The following CDKN1C variants were observed in gnomAD, a reference collection of about 807,000 sequenced individuals.
CDKN1C encodes the protein cyclin-dependent kinase inhibitor 1C.
A neutral mutation model predicts 16.5 loss-of-function variants in CDKN1C; 7 were observed. The observed-to-expected ratio is 0.42, with a 90% CI of 0.24 to 0.80. CDKN1C has a LOEUF of 0.80. Among genes scored for constraint, CDKN1C ranks in the 30% least tolerant of loss-of-function variants. The probability of loss-of-function intolerance (pLI) is 0.26; values close to 1 mark genes in which losing one functional copy is unlikely to be tolerated. For missense variants in CDKN1C, 429 were observed against 437.3 expected (o/e 0.98, Z 0.17); for synonymous variants, 288 against 214.4 (o/e 1.34, Z -3.00).
chr11:2,884,927 G>GCGACT lies in CDKN1C; in HGVS notation c.529_530insAGTCG (p.Pro177GlnfsTer86). The GCGACT allele has an allele frequency of 1.1e-6, 1 of 924,620 alleles. No homozygotes were observed. The highest frequency in any genetic ancestry group is 1.3e-6 in the Non-Finnish European group (1 of 752,232). The allele number at this position is 924,620 out of a possible 1,614,324, so 57.3% of individuals were successfully genotyped here. ...CGCGACTGGAGCCGGGGCCGGAGCC[G>GCGACT]GAGCCGGAGCCGGGGCCGGGGCCGG... On this transcript the variant is annotated frameshift_variant, in exon 2 of 4. Coordinates refer to ENST00000440480, the MANE Select transcript of CDKN1C (RefSeq NM_001122630.2). LOFTEE classifies it high-confidence loss of function.
intron 2 of CDKN1C, chr11:2,884,404 G>A (rs558762873): frequency 3.2e-4 from 77 of 241,304 alleles, no homozygotes; most frequent in Non-Finnish European, 4.6e-4. Context: ...GCCCGGGGAG[G>A]GGCTCCCGCG....
At chr11:2,884,417 C>T (rs1848900536) in intron 2 of CDKN1C, 1 of 254,798 alleles carries the variant, frequency 3.9e-6, no homozygotes, top group Admixed American at 5.5e-5. Context: ...CTCCCGCGGC[C>T]GGGGGCGAAA....
Position 2,884,577 on chromosome 11 carries a change from G to T in CDKN1C, c.787+93C>A, listed in dbSNP as rs552952278. On this transcript the variant is annotated intron_variant, in intron 2 of 3. Coordinates refer to ENST00000440480, the MANE Select transcript of CDKN1C (RefSeq NM_001122630.2). Reference sequence around the variant, plus strand: ...GCCCTTTAATGCCACGGGAGGAGGCGGGAACCCAGCGAGGCCCCCGAGGGC... The same window carrying T: ...GCCCTTTAATGCCACGGGAGGAGGCTGGAACCCAGCGAGGCCCCCGAGGGC... 2.7e-5 allele frequency: 20 copies of T among 729,594 alleles called. No homozygotes were observed. In the African/African-American group the frequency reaches 3.0e-4, roughly 11 times the overall value. 45.2% of individuals were successfully genotyped at this position (729,594 alleles called of 1,614,324 possible).
At chr11:2,884,323 C>T (rs1405517559) in intron 2 of CDKN1C, 189 bp from the exon 3 acceptor site, 1 of 248,788 alleles carries the variant, frequency 4.0e-6, no homozygotes, top group African/African-American at 2.3e-5. Flanking sequence ...TCCCCTTGTC[C>T]CGCGGCCAAG....
chr11:2,884,818 G>C lies in CDKN1C; in HGVS notation c.639C>G (p.Ala213=). 1.4e-6 allele frequency: 2 copies of C among 1,387,550 alleles called. No homozygotes were observed. Among genetic ancestry groups the C allele is most frequent in the Non-Finnish European group, 1.9e-6 (2 of 1,063,944 alleles). The allele number at this position is 1,387,550 out of a possible 1,614,324, so 86.0% of individuals were successfully genotyped here. ...GCTGCCCCTGGTTCGCGCCCTGCTC[G>C]GCGCTCTCTTGAGGCGCCGCGTCCG... ...PAPDAAPQES[A]EQGANQGQRG... Residue 213 remains alanine, a synonymous_variant, in exon 2 of 4, where the codon GCC becomes GCG. Transcript: ENST00000440480.
At chr11:2,884,621 G>T (rs541422709) in intron 2 of CDKN1C, 49 bp downstream of exon 2, 4 of 1,148,242 alleles carry the variant, frequency 3.5e-6, no homozygotes, top group Non-Finnish European at 4.4e-6. Flanking sequence ...CCGGCCGGCC[G>T]GACAAAGCGG....
rs1395949690 is a variant in CDKN1C, at chr11:2,885,123, C to A, written c.334G>T (p.Ala112Ser). ...TCCTCGAGGCCGTCGAGGGACTCAGCGGCCGGCTCGAGGGGCGGGCTGACA... is the reference window on the plus strand; with the variant it reads ...TCCTCGAGGCCGTCGAGGGACTCAGAGGCCGGCTCGAGGGGCGGGCTGACA... Reference protein sequence around the residue: ...VAVSPPLEPAAESLDGLEEAP... With the variant: ...VAVSPPLEPASESLDGLEEAP... The change falls in exon 2 of 4, where the codon GCT (alanine) becomes TCT (serine). Residue 112 changes from alanine (A) to serine (S), a missense_variant. Physicochemically the swap from Ala to Ser is moderately conservative, Grantham distance 99. Transcript: ENST00000440480. 5.4e-6 allele frequency: 8 copies of A among 1,469,062 alleles called. No individual in the cohort carries two copies. Among genetic ancestry groups the A allele is most frequent in the Non-Finnish European group, 7.1e-6 (8 of 1,121,410 alleles). 91.0% of individuals were successfully genotyped at this position (1,469,062 alleles called of 1,614,324 possible).
rs1451014097 is a variant in CDKN1C at position 2,885,157 on chromosome 11, G to T, written c.300C>A (p.Val100=). The T allele has an allele frequency of 9.8e-6, 15 of 1,523,798 alleles. No homozygotes were observed. Among genetic ancestry groups the T allele is most frequent in the Non-Finnish European group, 1.3e-5 (15 of 1,141,590 alleles). 94.4% of individuals were successfully genotyped at this position (1,523,798 alleles called of 1,614,324 possible). The change falls in exon 2 of 4, where the codon GTC becomes GTA. Residue 100 remains valine (V), a synonymous_variant. Transcript: ENST00000440480. ...RLLLAPRPVA[V]AVAVSPPLEP... Reference sequence around the variant, plus strand: ...CGAGGGGCGGGCTGACAGCCACCGCGACCGCGACGGGCCGCGGCGCCAGCA... The same window carrying T: ...CGAGGGGCGGGCTGACAGCCACCGCTACCGCGACGGGCCGCGGCGCCAGCA...
rs770109299 is a variant in CDKN1C, at chr11:2,885,489, TG to T, written c.-10-24del. ...GTGCTGCGGAGGGACGCGTCGGACA[TG>T]GCCCGGGGCTGCGCAAACGCGGGCA... On this transcript the variant is annotated intron_variant, in intron 1 of 3. Coordinates refer to ENST00000440480, the MANE Select transcript of CDKN1C (RefSeq NM_001122630.2). 3.9e-6 allele frequency: 6 copies of T among 1,542,266 alleles called. No homozygotes were observed. The Admixed American group carries it at 9.8e-5, about 25-fold the overall frequency.
chr11:2,884,095 G>T lies in CDKN1C; in HGVS notation c.827C>A (p.Ser276Ter). 6.5e-7 allele frequency: 1 copy of T among 1,540,282 alleles called. No homozygotes were observed. Among genetic ancestry groups the T allele is most frequent in the Non-Finnish European group, 8.7e-7 (1 of 1,143,364 alleles). ...ACACGGCGCGGGGACATCGCCCGAC[G>T]ACTTCTCAGGCGCTGATCTCTTGCG... ...AKRKRSAPEK[S>*]SGDVPAPCPS... The change falls in exon 3 of 4, where the codon TCG becomes TAG. Residue 276 changes from serine to a stop codon, truncating the protein, a stop_gained. Coordinates refer to ENST00000440480, the MANE Select transcript of CDKN1C (RefSeq NM_001122630.2). LOFTEE classifies it high-confidence loss of function.
chr11:2,884,299 G>A (rs537277110), intron 2 of CDKN1C, 165 bp from the exon 3 acceptor site: 6 of 270,126 alleles, frequency 2.2e-5, no homozygotes, highest in Non-Finnish European at 3.5e-5. Context: ...CGCGCAATGT[G>A]CTGTGTAAGC....
rs868414645 is a variant in CDKN1C at position 2,884,062 on chromosome 11, G to A, written c.860C>T (p.Pro287Leu). The A allele has an allele frequency of 6.4e-7, 1 of 1,553,656 alleles. No individual in the cohort carries two copies. Among genetic ancestry groups the A allele is most frequent in the Non-Finnish European group, 8.7e-7 (1 of 1,149,224 alleles). The change falls in exon 3 of 4, where the codon CCA (proline) becomes CTA (leucine). Residue 287 changes from proline (P) to leucine (L), a missense_variant. By Grantham distance (98) the Pro-to-Leu change is moderately conservative. Transcript: ENST00000440480. Reference protein sequence around the residue: ...SGDVPAPCPSPSAAPGVGSVE... With the variant: ...SGDVPAPCPSLSAAPGVGSVE... ...CGAGCCCACGCCAGGGGCGGCGCTT[G>A]GAGAGGGACACGGCGCGGGGACATC...
chr11:2,883,984 G>T lies in CDKN1C; in HGVS notation c.*5+15C>A. On this transcript the variant is annotated intron_variant, in intron 3 of 3. Coordinates refer to ENST00000440480, the MANE Select transcript of CDKN1C (RefSeq NM_001122630.2). ...GGGTCGGCCCTCCGCGCCCCCCCAG[G>T]TGCGCTGTACTCACTTGGCTCACCG... The T allele has an allele frequency of 6.4e-7, 1 of 1,560,506 alleles. No individual in the cohort carries two copies.
Position 2,883,742 on chromosome 11 carries a change from T to C in CDKN1C, c.*179A>G, listed in dbSNP as rs1294846878. On this transcript the variant is annotated 3_prime_UTR_variant, in exon 4 of 4. Coordinates refer to ENST00000440480, the MANE Select transcript of CDKN1C (RefSeq NM_001122630.2). ...TTCTCGTGCAGAATACATTTAGATATAAAAAGACGTTATTAATACATTGCA... is the reference window on the plus strand; with the variant it reads ...TTCTCGTGCAGAATACATTTAGATACAAAAAGACGTTATTAATACATTGCA... 1.4e-6 allele frequency: 2 copies of C among 1,421,142 alleles called. No individual in the cohort carries two copies. Among genetic ancestry groups the C allele is most frequent in the Non-Finnish European group, 1.8e-6 (2 of 1,089,364 alleles). 88.0% of individuals were successfully genotyped at this position (1,421,142 alleles called of 1,614,324 possible).
Position 2,884,944 on chromosome 11 carries a change from C to G in CDKN1C, c.513G>C (p.Pro171=). The change falls in exon 2 of 4, where the codon CCG becomes CCC. Residue 171 remains proline, a synonymous_variant. Transcript: ENST00000440480. ...PVAVAVLAPA[P]APAPAPAPAP... is the part of the protein sequence containing the mutation. ...CCGGAGCCGGAGCCGGAGCCGGGGC[C>G]GGGGCCGGGGCCAGGACCGCGACCG... The G allele has an allele frequency of 2.0e-6, 2 of 990,620 alleles. No homozygotes were observed. Among genetic ancestry groups the G allele is most frequent in the Non-Finnish European group, 2.5e-6 (2 of 795,454 alleles). 61.4% of individuals were successfully genotyped at this position (990,620 alleles called of 1,614,324 possible). A position where few individuals can be genotyped will look rare whatever the true frequency, so the allele number is the denominator to read the frequency against.
Position 2,885,109 on chromosome 11 carries a change from G to A in CDKN1C, c.348C>T (p.Asp116=). The A allele has an allele frequency of 1.4e-6, 2 of 1,455,110 alleles. No individual in the cohort carries two copies. Among genetic ancestry groups the A allele is most frequent in the Non-Finnish European group, 1.8e-6 (2 of 1,115,244 alleles). 90.1% of individuals were successfully genotyped at this position (1,455,110 alleles called of 1,614,324 possible). ...GCTGCTCCGGCGCCTCCTCGAGGCCGTCGAGGGACTCAGCGGCCGGCTCGA... is the reference window on the plus strand; with the variant it reads ...GCTGCTCCGGCGCCTCCTCGAGGCCATCGAGGGACTCAGCGGCCGGCTCGA... ...PPLEPAAESL[D]GLEEAPEQLP... Residue 116 remains aspartate (D), a synonymous_variant, in exon 2 of 4, where the codon GAC becomes GAT. Transcript: ENST00000440480.
Position 2,885,297 on chromosome 11 carries a change from A to G in CDKN1C, c.160T>C (p.Phe54Leu). The G allele has an allele frequency of 6.3e-7, 1 of 1,596,834 alleles. No individual in the cohort carries two copies. Among genetic ancestry groups the G allele is most frequent in the Non-Finnish European group, 8.5e-7 (1 of 1,173,134 alleles). The part of the protein sequence containing the change: ...AEDQNRWDYD[F>L]QQDMPLRGPG... ...CCCCGCAGCGGCATGTCCTGCTGGA[A>G]GTCGTAATCCCAGCGGTTCTGGTCC... Residue 54 changes from phenylalanine to leucine, a missense_variant, in exon 2 of 4, where the codon TTC (phenylalanine) becomes CTC (leucine). Physicochemically the swap from Phe to Leu is conservative, Grantham distance 22. Coordinates refer to ENST00000440480, the MANE Select transcript of CDKN1C (RefSeq NM_001122630.2).
At chr11:2,884,194 G>A (rs1848888015) in intron 2 of CDKN1C, 60 bp from the exon 3 acceptor site, 8 of 1,221,070 alleles carry the variant, frequency 6.6e-6, no homozygotes, top group Admixed American at 4.3e-5. Flanking sequence ...CCCGAGAGGG[G>A]GCCGGGAGAG....
rs1590149766 is a variant in CDKN1C, at chr11:2,884,908, T to TGGAGCCGGGGCCGGAGCC, written c.531_548dup (p.Ala178_Pro183dup). 1 of 769,960 alleles carries TGGAGCCGGGGCCGGAGCC rather than the reference T, an allele frequency of 1.3e-6. No individual in the cohort carries two copies. The highest frequency in any genetic ancestry group is 1.6e-6 in the Non-Finnish European group (1 of 638,032). The allele number at this position is 769,960 out of a possible 1,614,324, so 47.7% of individuals were successfully genotyped here. A position where few individuals can be genotyped will look rare whatever the true frequency, so the allele number is the denominator to read the frequency against. ...CCGGGGCTGGGGCCGGGGCCGCGAC[T>TGGAGCCGGGGCCGGAGCC]GGAGCCGGGGCCGGAGCCGGAGCCG... On this transcript the variant is annotated inframe_insertion, in exon 2 of 4. Transcript: ENST00000440480.
Sources: allele counts gnomAD v4.1 joint callset, GRCh38; gene constraint gnomAD v4.1.1; transcripts MANE v1.5; gene names NCBI Gene and HGNC (gene_info 2026-07-23, HGNC 2026-07-21).